SHOC1: variants seen among roughly 807,000 people sequenced by gnomAD.
SHOC1 encodes shortage in chiasmata 1.
In SHOC1, 136 loss-of-function variants were observed where a neutral mutation model predicts 179.2. The observed-to-expected ratio is 0.76, with a 90% confidence interval of 0.66 to 0.87. The LOEUF (loss-of-function observed/expected upper bound fraction) is 0.87. Among genes scored for constraint, SHOC1 ranks in the 40% least tolerant of loss-of-function variants. The pLI is 0.00. For synonymous variants in SHOC1, 489 were observed against 586.6 expected (o/e 0.83, Z 2.41); for missense variants, 1,538 against 1,700.8 (o/e 0.90, Z 1.68).
At chr9:111,755,858 C>T (rs1428504900) in intron 8 of SHOC1, among the ~76,000 whole-genome samples, 3 of 152,160 alleles carry the variant, frequency 2.0e-5, no homozygotes, top group Non-Finnish European at 2.9e-5. Context: ...TGCAGTGGCT[C>T]ATGCCTACAA....
At chr9:111,774,323 G>C (rs1227157557) in intron 5 of SHOC1, among the ~76,000 whole-genome samples, 1 of 152,066 alleles carries the variant, frequency 6.6e-6, no homozygotes, top group Non-Finnish European at 1.5e-5. Context: ...TCTCCAGACA[G>C]GGTCTCACTC....
At chr9:111,710,689 T>G (rs181584555) in intron 18 of SHOC1, among the ~76,000 whole-genome samples, 4 of 152,252 alleles carry the variant, frequency 2.6e-5, no homozygotes, top group Admixed American at 2.0e-4. Context: ...CTTAGAAGTA[T>G]GCACATAATG....
At chr9:111,732,023 G>T (rs1833596698) in intron 12 of SHOC1, among the ~76,000 whole-genome samples, 1 of 151,960 alleles carries the variant, frequency 6.6e-6, no homozygotes. Context: ...TATACAAATG[G>T]CCAATGAACA....
At position 111,791,354 on chromosome 9, in the gene SHOC1, G is replaced by A; in HGVS notation, c.45+20C>T. 3 of 1,387,662 alleles carry A rather than the reference G, an allele frequency of 2.2e-6. No homozygotes were observed. Among genetic ancestry groups the A allele is most frequent in the Non-Finnish European group, 1.9e-6 (2 of 1,044,240 alleles). 86.0% of individuals were successfully genotyped at this position (1,387,662 alleles called of 1,614,324 possible). A position where few individuals can be genotyped will look rare whatever the true frequency, so the allele number is the denominator to read the frequency against. ...CATCATAATTCTCAGTAAATAGACAGTAAGCCACTAACACTCTACCTCATA... is the reference window on the plus strand; with the variant it reads ...CATCATAATTCTCAGTAAATAGACAATAAGCCACTAACACTCTACCTCATA... On this transcript the variant is annotated intron_variant, in intron 2 of 27. Transcript: ENST00000682961.
chr9:111,740,046 A>G (rs2131492645), intron 11 of SHOC1, among the ~76,000 whole-genome samples: 1 of 152,364 alleles, frequency 6.6e-6, no homozygotes, highest in East Asian at 1.9e-4. Flanking sequence ...GCAACCAGGC[A>G]TGATGGCTGC....
intron 5 of SHOC1, chr9:111,759,371 T>A: frequency 6.8e-7 from 1 of 1,477,206 alleles, no homozygotes. Flanking sequence ...TGCTATAAAA[T>A]TATTTACAGT....
intron 5 of SHOC1, among the ~76,000 whole-genome samples, chr9:111,771,794 G>T (rs1835619985): frequency 6.6e-6 from 1 of 152,018 alleles, no homozygotes; most frequent in African/African-American, 2.4e-5. Context: ...AGAATTGGAG[G>T]TCCTTTATAT....
At chr9:111,778,069 G>A (rs1355745796) in intron 4 of SHOC1, among the ~76,000 whole-genome samples, 5 of 152,130 alleles carry the variant, frequency 3.3e-5, no homozygotes, top group Non-Finnish European at 5.9e-5. Context: ...TGGTACTACA[G>A]TTTTGAGACT....
chr9:111,794,666 T>G (rs35339685), intron 1 of SHOC1, among the ~76,000 whole-genome samples: 1 of 152,142 alleles, frequency 6.6e-6, no homozygotes, highest in Non-Finnish European at 1.5e-5. Flanking sequence ...CAACTTCTAG[T>G]TGATGGGCTG....
At chr9:111,774,246 AG>A (rs1835740282) in intron 5 of SHOC1, among the ~76,000 whole-genome samples, 1 of 152,104 alleles carries the variant, frequency 6.6e-6, no homozygotes, top group African/African-American at 2.4e-5. Flanking sequence ...AATATATAAT[AG>A]AAATAAATTA....
chr9:111,727,035 T>A (rs1183332206), intron 13 of SHOC1, among the ~76,000 whole-genome samples: 5 of 152,042 alleles, frequency 3.3e-5, no homozygotes, highest in Admixed American at 1.3e-4. Context: ...TAAAAAAAAA[T>A]ATTGTTGTAT....
At chr9:111,743,297 A>G (rs1384054055) in intron 10 of SHOC1, among the ~76,000 whole-genome samples, 1 of 152,044 alleles carries the variant, frequency 6.6e-6, no homozygotes, top group Non-Finnish European at 1.5e-5. Context: ...CCCCTTATCC[A>G]TGAGTTCACT....
intron 10 of SHOC1, among the ~76,000 whole-genome samples, chr9:111,744,588 A>T (rs1334862018): frequency 1.3e-5 from 2 of 152,224 alleles, no homozygotes; most frequent in Non-Finnish European, 2.9e-5. Context: ...CAGATCAGCT[A>T]ATTATAACAA....
intron 8 of SHOC1, among the ~76,000 whole-genome samples, chr9:111,754,785 G>A (rs1834779798): frequency 6.6e-6 from 1 of 152,144 alleles, no homozygotes; most frequent in African/African-American, 2.4e-5. Context: ...AATGAATGAA[G>A]TACTGATACG....
intron 5 of SHOC1, among the ~76,000 whole-genome samples, chr9:111,765,140 CAAA>C (rs528073844): frequency 8.5e-6 from 1 of 117,140 alleles, no homozygotes; most frequent in Non-Finnish European, 1.8e-5. Context: ...GACTCCGTCT[CAAA>C]AAAAAAAAAA....
At chr9:111,693,979 G>C in intron 25 of SHOC1, 31 bp from the exon 26 acceptor site, 1 of 1,559,986 alleles carries the variant, frequency 6.4e-7, no homozygotes. Flanking sequence ...TAATCAGTCA[G>C]TAGTCTTTTG....
chr9:111,722,698 C>A (rs571012440), intron 14 of SHOC1, 113 bp from the exon 15 acceptor site: 3 of 794,054 alleles, frequency 3.8e-6, no homozygotes, highest in Admixed American at 3.5e-5. Flanking sequence ...GAATTATTTT[C>A]TGAGTTAAAA....
intron 8 of SHOC1, among the ~76,000 whole-genome samples, chr9:111,752,275 C>G (rs1415194670): frequency 6.6e-6 from 1 of 152,144 alleles, no homozygotes; most frequent in African/African-American, 2.4e-5. Flanking sequence ...GGAGGAGCCC[C>G]AAACTCTATG....
chr9:111,775,823 T>C lies in SHOC1; in HGVS notation c.410A>G (p.Glu137Gly), dbSNP rs988983274. The C allele has an allele frequency of 3.1e-6, 5 of 1,609,334 alleles. No individual in the cohort carries two copies. The highest frequency in any genetic ancestry group is 4.2e-6 in the Non-Finnish European group (5 of 1,178,926). Reference protein sequence around the residue: ...NEVFTPVSCLEKCSALQNQNQ... With the variant: ...NEVFTPVSCLGKCSALQNQNQ... The stretch of plus-strand genomic sequence containing the variant: ...CTGGTTTTGAAGTGCTGAACATTTT[T>C]CTAAACAACTGACAGGGGTAAAGAC... Residue 137 changes from glutamate (E) to glycine (G), a missense_variant, in exon 5 of 28, where the codon GAA becomes GGA. By Grantham distance (98) the Glu-to-Gly change is moderately conservative. Transcript: ENST00000682961.
Sources: gnomAD v4.1 joint callset for allele counts (sites outside exome capture counted in the v4.1 genomes callset) on GRCh38, gnomAD v4.1.1 for gene constraint, MANE v1.5 for transcripts, NCBI Gene and HGNC (gene_info 2026-07-23, HGNC 2026-07-21) for gene names.